BRCA1: variants seen among roughly 807,000 people sequenced by gnomAD.
BRCA1 encodes breast cancer type 1 susceptibility protein.
Under a neutral mutation model 173.7 loss-of-function variants are expected in BRCA1, and 140 were observed. The observed-to-expected ratio is 0.81, with a 90% CI of 0.70 to 0.93. The LOEUF is 0.93. Ranked by LOEUF, BRCA1 falls within the 40% of genes least tolerant of loss-of-function variation. The pLI is 0.00. For synonymous variants in BRCA1, 662 were observed against 756.0 expected (o/e 0.88, Z 2.04); for missense variants, 1,983 against 2,172.5 (o/e 0.91, Z 1.73).
chr17:43,156,858 A>C (rs1257836049), intron 1 of BRCA1, among the ~76,000 whole-genome samples: 1 of 152,246 alleles, frequency 6.6e-6, no homozygotes. Context: ...ATGAATGTTG[A>C]AGGAAGACTG....
chr17:43,105,017 T>A, intron 4 of BRCA1, 61 bp from the exon 5 acceptor site: 1 of 1,352,280 alleles, frequency 7.4e-7, no homozygotes, highest in Non-Finnish European at 1.1e-6. Flanking sequence ...TTAAGGACAC[T>A]AAAATAAGAA....
intron 1 of BRCA1, among the ~76,000 whole-genome samples, chr17:43,153,913 G>A (rs747111253): frequency 3.3e-5 from 5 of 152,190 alleles, no homozygotes; most frequent in African/African-American, 9.7e-5. Context: ...AAGGCTGGGC[G>A]TGGTGCCTCA....
rs546601519 is a variant in BRCA1 at position 43,123,532 on chromosome 17, T to C, written c.80+485A>G. 3.3e-5 allele frequency among the ~76,000 whole-genome samples: 5 copies of C among 152,162 alleles called. No individual in the cohort carries two copies. In the South Asian group the frequency reaches 1.0e-3, roughly 32 times the overall value. ...GCCCAGCTAATTTTTGTATTTTTAG[T>C]GGAGAGGGGGTTTCACCATGTTGGC... On this transcript the variant is annotated intron_variant, in intron 2 of 22. Coordinates refer to ENST00000357654, the MANE Select transcript of BRCA1 (RefSeq NM_007294.4).
chr17:43,122,671 G>A (rs2055631049), intron 2 of BRCA1, among the ~76,000 whole-genome samples: 1 of 152,128 alleles, frequency 6.6e-6, no homozygotes, highest in African/African-American at 2.4e-5. Context: ...ACCTTGAGAG[G>A]CCAAGGGAGG....
chr17:43,138,887 T>G (rs760748504), intron 1 of BRCA1: 1 of 778,772 alleles, frequency 1.3e-6, no homozygotes, highest in Middle Eastern at 3.5e-4. Context: ...TGTCCCAAGT[T>G]TCCTGACTTC....
intron 2 of BRCA1, among the ~76,000 whole-genome samples, chr17:43,116,663 C>T (rs1284275896): frequency 2.6e-5 from 4 of 152,164 alleles, no homozygotes; most frequent in Admixed American, 1.3e-4. Context: ...GAACTACAGG[C>T]GTGCGCCACC....
chr17:43,056,568 T>C (rs2051466315), intron 19 of BRCA1, among the ~76,000 whole-genome samples: 1 of 151,804 alleles, frequency 6.6e-6, no homozygotes. Flanking sequence ...GGCGGGAGGA[T>C]CACAAGGTCA....
rs202137181 is a variant in BRCA1 at position 43,100,574 on chromosome 17, CATATATATAACATATATATATT to C, written c.442-716_442-695del. Reference sequence around the variant, plus strand: ...TGTGTGTGTGTATATATATATATAACATATATATAACATATATATATTATATATATATAACATATATATAACA... The same window carrying C: ...TGTGTGTGTGTATATATATATATAACATATATATATAACATATATATAACA... On this transcript the variant is annotated intron_variant, in intron 6 of 22. Transcript: ENST00000357654. 9.0e-3 allele frequency among the ~76,000 whole-genome samples: 504 copies of C among 56,048 alleles called. 9 individuals carry two copies. The highest frequency in any genetic ancestry group is 0.021 in the South Asian group (39 of 1,838). The allele number at this position is 56,048 out of a possible 152,430, so 36.8% of individuals were successfully genotyped here. A position where few individuals can be genotyped will look rare whatever the true frequency, so the allele number is the denominator to read the frequency against.
intron 2 of BRCA1, chr17:43,119,362 G>T (rs894764203): frequency 7.1e-5 from 16 of 224,590 alleles, no homozygotes; most frequent in Non-Finnish European, 1.2e-4. Flanking sequence ...TTGTAATCAT[G>T]GGGTTTTTGA....
At chr17:43,146,440 C>T (rs1013602210) in intron 1 of BRCA1, among the ~76,000 whole-genome samples, 1 of 150,542 alleles carries the variant, frequency 6.6e-6, no homozygotes, top group African/African-American at 2.4e-5. Flanking sequence ...TCCCAAGTAG[C>T]TGGGACTACA....
At chr17:43,088,694 A>C (rs2053325540) in intron 11 of BRCA1, among the ~76,000 whole-genome samples, 1 of 152,222 alleles carries the variant, frequency 6.6e-6, no homozygotes, top group African/African-American at 2.4e-5. Flanking sequence ...AGGGTATTTA[A>C]GATTTAGGTG....
intron 14 of BRCA1, 101 bp from the exon 15 acceptor site, chr17:43,071,339 A>G: frequency 5.2e-6 from 7 of 1,347,270 alleles, no homozygotes; most frequent in African/African-American, 1.4e-5. Flanking sequence ...AGTTAGGTTA[A>G]GAGAAAAATG....
chr17:43,079,904 AAAT>A, intron 12 of BRCA1: 2 of 633,882 alleles, frequency 3.2e-6, no homozygotes, highest in African/African-American at 3.7e-5. Flanking sequence ...GCAATGAAGC[AAAT>A]AAGATAACTT....
At chr17:43,134,495 A>G (rs979585500) in intron 1 of BRCA1, among the ~76,000 whole-genome samples, 1 of 152,152 alleles carries the variant, frequency 6.6e-6, no homozygotes, top group Non-Finnish European at 1.5e-5. Context: ...GGCTTGATGG[A>G]GGACAGGGAA....
chr17:43,146,703 A>AATTT (rs1567831977), intron 1 of BRCA1, among the ~76,000 whole-genome samples: 4 of 152,170 alleles, frequency 2.6e-5, no homozygotes, highest in African/African-American at 9.7e-5. Context: ...AAAAAAAAGA[A>AATTT]AAATAAGTAA....
At chr17:43,169,919 G>A in intron 1 of BRCA1, 3 of 438,122 alleles carry the variant, frequency 6.8e-6, no homozygotes, top group Non-Finnish European at 9.1e-6. Context: ...CAATGTTGAC[G>A]TTGGCCAGGA....
chr17:43,091,303 C>T (rs1164103531), intron 10 of BRCA1, 132 bp downstream of exon 10: 1 of 1,219,852 alleles, frequency 8.2e-7, no homozygotes, highest in Non-Finnish European at 1.2e-6. Context: ...TTAGGAGGAA[C>T]ATGTTTCAAG....
At chr17:43,150,202 TG>T (rs1459523258) in intron 1 of BRCA1, among the ~76,000 whole-genome samples, 1 of 152,146 alleles carries the variant, frequency 6.6e-6, no homozygotes, top group Non-Finnish European at 1.5e-5. Flanking sequence ...CTGAACCTCC[TG>T]GGCTCAAGCA....
In BRCA1 at chr17:43,045,568, C is replaced by A. The variant is rs937295846; in HGVS notation, c.*110G>T. On this transcript the variant is annotated 3_prime_UTR_variant, in exon 23 of 23. Coordinates refer to ENST00000357654, the MANE Select transcript of BRCA1 (RefSeq NM_007294.4). The stretch of plus-strand genomic sequence containing the variant: ...CTGATGTACATAAAATATTTAGTAG[C>A]CAGGACAGTAGAAGGACTGAAGAGT... The A allele has an allele frequency of 1.4e-6, 2 of 1,478,352 alleles. No individual in the cohort carries two copies. The highest frequency in any genetic ancestry group is 1.2e-5 in the South Asian group (1 of 85,066). 91.6% of individuals were successfully genotyped at this position (1,478,352 alleles called of 1,614,324 possible).
Sources: allele counts gnomAD v4.1 joint callset (sites outside exome capture counted in the v4.1 genomes callset), GRCh38; gene constraint gnomAD v4.1.1; transcripts MANE v1.5; gene names NCBI Gene and HGNC (gene_info 2026-07-23, HGNC 2026-07-21).